Variants in DMD observed in about 807,000 individuals in gnomAD.
DMD encodes the protein mutant dystrophin.
Under a neutral mutation model 330.1 loss-of-function variants are expected in DMD, and 63 were observed. The observed-to-expected ratio is 0.19, with a 90% CI of 0.16 to 0.24. The LOEUF (loss-of-function observed/expected upper bound fraction) is 0.24, where lower values mean the gene tolerates loss of function less well. Ranked by LOEUF, DMD falls within the 10% of genes least tolerant of loss-of-function variation. DMD has a pLI of 1.00. For missense variants in DMD, 3,344 were observed against 2,684.1 expected (o/e 1.25, Z -5.43); for synonymous variants, 1,223 against 959.8 (o/e 1.27, Z -5.07).
At chrX:32,127,681 T>C (rs1396134808) in intron 44 of DMD, among the ~76,000 whole-genome samples, 1 of 111,955 alleles carries the variant, frequency 8.9e-6, no homozygotes, top group Non-Finnish European at 1.9e-5. Context: ...TGACAATATA[T>C]ATGCTCTCAA....
intron 16 of DMD, among the ~76,000 whole-genome samples, chrX:32,558,451 C>T (rs749318847): frequency 1.1e-4 from 12 of 111,482 alleles, no homozygotes; most frequent in Non-Finnish European, 2.3e-4. Flanking sequence ...AGATAATAGG[C>T]GTATCATACA....
chrX:32,089,835 A>C (rs1438292778), intron 44 of DMD, among the ~76,000 whole-genome samples: 1 of 111,915 alleles, frequency 8.9e-6, no homozygotes, highest in East Asian at 2.8e-4. Context: ...GTCAAATGGT[A>C]ATTCTTTTGT....
chrX:31,764,744 C>T (rs760097143), intron 51 of DMD, among the ~76,000 whole-genome samples: 55 of 111,068 alleles, frequency 5.0e-4, no homozygotes, highest in Admixed American at 1.2e-3. Context: ...ATTTTGCTTC[C>T]ATAATTGAAG....
At chrX:31,890,040 G>T (rs911002719) in intron 47 of DMD, among the ~76,000 whole-genome samples, 2 of 109,415 alleles carry the variant, frequency 1.8e-5, no homozygotes, top group Non-Finnish European at 3.8e-5. Context: ...ATTTATTTAG[G>T]CCCTGAGGTG....
chrX:32,444,973 G>A (rs1345167906), intron 27 of DMD, among the ~76,000 whole-genome samples: 2 of 111,142 alleles, frequency 1.8e-5, no homozygotes, highest in Non-Finnish European at 3.8e-5. Context: ...TTCCTGAAAG[G>A]TACGGAGTAT....
chrX:32,465,038 T>A (rs1023828557), intron 23 of DMD, among the ~76,000 whole-genome samples: 20 of 112,226 alleles, frequency 1.8e-4, no homozygotes, highest in Non-Finnish European at 1.9e-5. Flanking sequence ...GTCCTTACAG[T>A]ACATAAAACA....
chrX:32,205,001 T>A lies in DMD; in HGVS notation c.6438+11915A>T, dbSNP rs867813409. 0.013 allele frequency among the ~76,000 whole-genome samples: 497 copies of A among 39,550 alleles called. 13 individuals are homozygous for A. In the East Asian group the frequency reaches 0.14, roughly 12 times the overall value. 34.3% of individuals were successfully genotyped at this position (39,550 alleles called of 115,157 possible). ...ATCTCTCTCTCTCTCTCTCTCTCTC[T>A]CTCTCACATACACACACACACACAC... is the stretch of plus-strand genomic sequence containing the variant. On this transcript the variant is annotated intron_variant, in intron 44 of 78. Transcript: ENST00000357033.
intron 41 of DMD, among the ~76,000 whole-genome samples, chrX:32,310,898 T>G (rs146042857): frequency 6.2e-4 from 69 of 110,933 alleles, no homozygotes; most frequent in African/African-American, 2.2e-3. Context: ...CTGCGGAATT[T>G]ATATTTTAAA....
Position 31,531,502 on chromosome X carries a change from C to T in DMD, c.8218-24049G>A, listed in dbSNP as rs1340834365. 2.8e-3 allele frequency among the ~76,000 whole-genome samples: 193 copies of T among 68,800 alleles called. 1 individual carries two copies. The highest frequency in any genetic ancestry group is 0.013 in the Middle Eastern group (2 of 156). The allele number at this position is 68,800 out of a possible 115,157, so 59.7% of individuals were successfully genotyped here. ...TTGAGAAGTGTCTGTTCATGTCCTT[C>T]GCCCACTTTTTGATGGGGTTGTTTG... On this transcript the variant is annotated intron_variant, in intron 55 of 78. Transcript: ENST00000357033.
At chrX:31,788,810 C>T (rs2091434655) in intron 50 of DMD, among the ~76,000 whole-genome samples, 1 of 111,183 alleles carries the variant, frequency 9.0e-6, no homozygotes, top group South Asian at 3.8e-4. Flanking sequence ...ATCCTTTTAT[C>T]ATTATTTAAT....
chrX:31,429,844 T>C (rs2063934982), intron 60 of DMD, among the ~76,000 whole-genome samples: 1 of 109,688 alleles, frequency 9.1e-6, no homozygotes, highest in Non-Finnish European at 1.9e-5. Context: ...GCAGTTGCTG[T>C]CTAATTAGTG....
chrX:32,646,361 C>G (rs1016842064), intron 9 of DMD, among the ~76,000 whole-genome samples: 1 of 111,314 alleles, frequency 9.0e-6, no homozygotes, highest in African/African-American at 3.3e-5. Flanking sequence ...AGAACATGCT[C>G]AAGAGGGACT....
rs974462094 is a variant in DMD, at chrX:31,527,120, A to C, written c.8218-19667T>G. Among the ~76,000 whole-genome samples, 3 of 111,429 alleles carry C rather than the reference A, an allele frequency of 2.7e-5. No homozygotes were observed. The Admixed American group carries it at 2.9e-4, about 11-fold the overall frequency. Reference sequence around the variant, plus strand: ...ACAGGGTATGACCCTGTCTCCAAAAAAAAGGGGAAGCTGAGTTAAACCAAA... The same window carrying C: ...ACAGGGTATGACCCTGTCTCCAAAACAAAGGGGAAGCTGAGTTAAACCAAA... On this transcript the variant is annotated intron_variant, in intron 55 of 78. Transcript: ENST00000357033.
intron 2 of DMD, among the ~76,000 whole-genome samples, chrX:32,966,574 G>A (rs2147092787): frequency 9.0e-6 from 1 of 111,601 alleles, no homozygotes; most frequent in South Asian, 3.8e-4. Context: ...ACTGAGAATG[G>A]GAAGTTTCCC....
rs757603536 is a variant in DMD at position 32,843,352 on chromosome X, T to C, written c.264+1431A>G. ...TCTCATAATGTCAATGACACTGATATTTCCAAAGAGTCCATCGGACTAATA... is the reference window on the plus strand; with the variant it reads ...TCTCATAATGTCAATGACACTGATACTTCCAAAGAGTCCATCGGACTAATA... On this transcript the variant is annotated intron_variant, in intron 4 of 78. Transcript: ENST00000357033. 3.6e-5 allele frequency among the ~76,000 whole-genome samples: 4 copies of C among 112,325 alleles called. No homozygotes were observed. The South Asian group carries it at 1.1e-3, about 31-fold the overall frequency.
chrX:31,647,029 T>G (rs1260823963), intron 54 of DMD, among the ~76,000 whole-genome samples: 1 of 112,130 alleles, frequency 8.9e-6, no homozygotes, highest in Non-Finnish European at 1.9e-5. Flanking sequence ...TGTAGCACCT[T>G]GCATTTACAT....
intron 49 of DMD, among the ~76,000 whole-genome samples, chrX:31,831,957 T>G (rs2093056837): frequency 8.9e-6 from 1 of 112,800 alleles, no homozygotes; most frequent in Non-Finnish European, 1.9e-5. Flanking sequence ...TATAAATTAT[T>G]AAATGCCTCT....
At chrX:32,779,144 GAATT>G (rs749895078) in intron 7 of DMD, among the ~76,000 whole-genome samples, 49 of 110,907 alleles carry the variant, frequency 4.4e-4, no homozygotes, top group African/African-American at 1.6e-3. Flanking sequence ...GTTCATGTAT[GAATT>G]ATTTCATCAT....
intron 2 of DMD, among the ~76,000 whole-genome samples, chrX:32,969,413 G>A: frequency 1.1e-5 from 1 of 91,921 alleles, no homozygotes. Flanking sequence ...AAACATGTAT[G>A]TACCACATAC....
Sources: allele counts gnomAD v4.1 joint callset (sites outside exome capture counted in the v4.1 genomes callset), GRCh38; gene constraint gnomAD v4.1.1; transcripts MANE v1.5; gene names NCBI Gene and HGNC (gene_info 2026-07-23, HGNC 2026-07-21).